Variants in PUS10 observed in about 807,000 individuals in gnomAD.
The protein encoded by PUS10 is pseudouridine synthase 10.
Under a neutral mutation model 75.0 loss-of-function variants are expected in PUS10, and 59 were observed. The ratio of observed to expected loss-of-function variants is 0.79; its 90% CI spans 0.64 to 0.98. The LOEUF (loss-of-function observed/expected upper bound fraction) is 0.98, where lower values mean the gene tolerates loss of function less well. Among genes scored for constraint, PUS10 ranks in the 50% least tolerant of loss-of-function variants. The probability of loss-of-function intolerance (pLI) is 0.00; values close to 1 mark genes in which losing one functional copy is unlikely to be tolerated. For synonymous variants in PUS10, 219 were observed against 211.6 expected (o/e 1.03, Z -0.30); for missense variants, 650 against 614.4 (o/e 1.06, Z -0.61).
At chr2:60,948,995 C>T (rs907941089) in intron 15 of PUS10, among the ~76,000 whole-genome samples, 2 of 152,070 alleles carry the variant, frequency 1.3e-5, no homozygotes, top group African/African-American at 4.8e-5. Flanking sequence ...TGCCGGAAGG[C>T]CTGCTAAGAA....
chr2:60,980,167 A>G (rs569522235), intron 4 of PUS10, among the ~76,000 whole-genome samples: 1 of 152,356 alleles, frequency 6.6e-6, no homozygotes, highest in South Asian at 2.1e-4. Context: ...TTAGTGTCAT[A>G]TGAAAATGAG....
intron 10 of PUS10, among the ~76,000 whole-genome samples, chr2:60,961,229 T>A (rs1028342494): frequency 6.6e-6 from 1 of 152,218 alleles, no homozygotes; most frequent in Admixed American, 6.5e-5. Flanking sequence ...TATTAAAACC[T>A]AGGAAGTGTC....
chr2:61,011,012 CAACT>C, intron 2 of PUS10: 1 of 1,263,386 alleles, frequency 7.9e-7, no homozygotes, highest in East Asian at 2.6e-5. Context: ...ATAATAGAAA[CAACT>C]AATAACATTT....
At chr2:61,015,399 T>C (rs34318179) in intron 1 of PUS10, among the ~76,000 whole-genome samples, 5 of 151,496 alleles carry the variant, frequency 3.3e-5, no homozygotes, top group East Asian at 1.9e-4. Context: ...ACTCGGGAGG[T>C]TGAGGCAGGA....
rs138626758 is a variant in PUS10 at position 61,009,166 on chromosome 2, T to G, written c.127-151A>C. 7.5e-4 allele frequency: 470 copies of G among 629,910 alleles called. 4 individuals carry two copies. The East Asian group carries it at 0.01, about 14-fold the overall frequency. The allele number at this position is 629,910 out of a possible 1,614,324, so 39.0% of individuals were successfully genotyped here. A position where few individuals can be genotyped will look rare whatever the true frequency, so the allele number is the denominator to read the frequency against. ...ATCAATTCTGAAGCAATCCAGTTAT[T>G]AGCCAGCATTGGCTTTTATGGAATT... On this transcript the variant is annotated intron_variant, in intron 2 of 17. Coordinates refer to ENST00000316752, the MANE Select transcript of PUS10 (RefSeq NM_144709.4).
At position 60,953,983 on chromosome 2, in the gene PUS10, A is replaced by T. The variant is rs373093640; in HGVS notation, c.1140T>A (p.Ile380=). The change falls in exon 14 of 18, where the codon ATT becomes ATA. Residue 380 remains isoleucine (I), a synonymous_variant. Coordinates refer to ENST00000316752, the MANE Select transcript of PUS10 (RefSeq NM_144709.4). ...SQEIKELQQK[I]NNSSNKIQVR... ...CTTGGATTTTGTTAGATGAGTTATT[A>T]ATTTTCTGTAGTAGCAGAAAAAGAA... 11 of 1,613,690 alleles carry T rather than the reference A, an allele frequency of 6.8e-6. No homozygotes were observed. The highest frequency in any genetic ancestry group is 9.3e-6 in the Non-Finnish European group (11 of 1,179,554).
chr2:60,971,473 G>C (rs1400190098), intron 5 of PUS10, 50 bp downstream of exon 5: 7 of 1,507,586 alleles, frequency 4.6e-6, no homozygotes, highest in Non-Finnish European at 5.5e-6. Flanking sequence ...TTAAGAACCA[G>C]GTAGCTTGTA....
intron 2 of PUS10, chr2:61,010,405 G>A (rs1233751397): frequency 1.7e-5 from 3 of 177,898 alleles, no homozygotes; most frequent in East Asian, 1.4e-4. Context: ...TGCAACCTCC[G>A]CACCCCCCAC....
At chr2:60,942,886 C>T (rs1274983331) in intron 17 of PUS10, among the ~76,000 whole-genome samples, 1 of 151,860 alleles carries the variant, frequency 6.6e-6, no homozygotes, top group African/African-American at 2.4e-5. Context: ...CAAAATTTAG[C>T]CAAGCATGGT....
rs1453601258 is a variant in PUS10 at position 61,017,867 on chromosome 2, T to G, written c.-16+141A>C. ...CCACTTTCCAGTGAGTGTGGGATTC[T>G]TCAGGCTGTGAGTTTAGTGGGCCCG... is the stretch of plus-strand genomic sequence containing the variant. On this transcript the variant is annotated intron_variant, in intron 1 of 17. Coordinates refer to ENST00000316752, the MANE Select transcript of PUS10 (RefSeq NM_144709.4). 2 of 1,549,632 alleles carry G rather than the reference T, an allele frequency of 1.3e-6. No homozygotes were observed. Among genetic ancestry groups the G allele is most frequent in the African/African-American group, 2.7e-5 (2 of 73,050 alleles).
rs755955312 is a variant in PUS10 at position 60,945,020 on chromosome 2, G to T, written c.1540C>A (p.Leu514Met). ...ACAAAATGGTTTACCTCAACATCCA[G>T]CTCCAGAATGTCTGCAGTCACATTC... ...LMNVTADILELDVESVDVDWP... is the reference protein window; with the variant it reads ...LMNVTADILEMDVESVDVDWP... The change falls in exon 17 of 18, where the codon CTG (leucine) becomes ATG (methionine). Residue 514 changes from leucine (L) to methionine (M), a missense_variant. Leu to Met is a conservative substitution (Grantham distance 15). Coordinates refer to ENST00000316752, the MANE Select transcript of PUS10 (RefSeq NM_144709.4). The T allele has an allele frequency of 3.1e-6, 5 of 1,612,542 alleles. No homozygotes were observed. The East Asian group carries it at 1.1e-4, about 36-fold the overall frequency.
intron 4 of PUS10, among the ~76,000 whole-genome samples, chr2:60,994,079 G>A (rs1233706797): frequency 6.6e-5 from 10 of 151,910 alleles, no homozygotes; most frequent in African/African-American, 1.2e-4. Flanking sequence ...GTGAGCCACC[G>A]CGCCCGGCCA....
In PUS10 at chr2:61,010,388, G is replaced by A. The variant is rs542356887; in HGVS notation, c.127-1373C>T. 6 of 172,750 alleles carry A rather than the reference G, an allele frequency of 3.5e-5. No homozygotes were observed. In the South Asian group the frequency reaches 4.1e-4, roughly 12 times the overall value. The allele number at this position is 172,750 out of a possible 1,614,324, so 10.7% of individuals were successfully genotyped here. ...GGCTAGAGTGCAGTGGCATGATCTC[G>A]GCTCACTGCAACCTCCGCACCCCCC... On this transcript the variant is annotated intron_variant, in intron 2 of 17. Coordinates refer to ENST00000316752, the MANE Select transcript of PUS10 (RefSeq NM_144709.4).
rs150723064 is a variant in PUS10, at chr2:60,979,751, T to C, written c.469-8194A>G. Among the ~76,000 whole-genome samples, 1,356 of 152,374 alleles carry C rather than the reference T, an allele frequency of 8.9e-3. 18 individuals are homozygous for C. The highest frequency in any genetic ancestry group is 0.031 in the African/African-American group (1,293 of 41,590). On this transcript the variant is annotated intron_variant, in intron 4 of 17. Transcript: ENST00000316752. The stretch of plus-strand genomic sequence containing the variant: ...AAGTGAGACATAAGAAGAGATCATT[T>C]AACTCTAGGTTTTCTCTCTACTTTG...
In PUS10 at chr2:60,962,889, G is replaced by T; in HGVS notation, c.725C>A (p.Ser242Tyr). 1.3e-6 allele frequency: 2 copies of T among 1,560,194 alleles called. No individual in the cohort carries two copies. The highest frequency in any genetic ancestry group is 1.2e-5 in the South Asian group (1 of 83,864). Residue 242 changes from serine to tyrosine, a missense_variant and splice_region_variant, in exon 9 of 18, where the codon TCT becomes TAT. By Grantham distance (144) the Ser-to-Tyr change is moderately radical (BLOSUM62 -2). Coordinates refer to ENST00000316752, the MANE Select transcript of PUS10 (RefSeq NM_144709.4). The part of the protein sequence containing the change: ...DCFKPAKNKQ[S>Y]VFTRMAVMKA... ...CATAACTGCCATTCTAGTGAATACA[G>T]ACTATATAGGGTAAAATGAGAAGAA...
intron 4 of PUS10, among the ~76,000 whole-genome samples, chr2:60,977,131 G>A (rs1379981232): frequency 2.0e-5 from 3 of 152,114 alleles, no homozygotes; most frequent in African/African-American, 7.2e-5. Flanking sequence ...TAGACCAGAA[G>A]GTCTATGCCC....
chr2:60,947,083 G>A (rs1674987534), intron 16 of PUS10, among the ~76,000 whole-genome samples: 1 of 152,106 alleles, frequency 6.6e-6, no homozygotes, highest in African/African-American at 2.4e-5. Context: ...GTTAGATTAC[G>A]AACAAATTAT....
At chr2:60,988,480 A>G (rs1573471559) in intron 4 of PUS10, among the ~76,000 whole-genome samples, 1 of 152,236 alleles carries the variant, frequency 6.6e-6, no homozygotes, top group South Asian at 2.1e-4. Flanking sequence ...AATATAGTAC[A>G]CTTTGGTCTT....
intron 15 of PUS10, among the ~76,000 whole-genome samples, chr2:60,950,468 AG>A (rs1675267623): frequency 6.6e-6 from 1 of 152,110 alleles, no homozygotes; most frequent in African/African-American, 2.4e-5. Context: ...CCCAGGCTGG[AG>A]TGCTGTGGCG....
Sources: gnomAD v4.1 joint callset for allele counts (sites outside exome capture counted in the v4.1 genomes callset) on GRCh38, gnomAD v4.1.1 for gene constraint, MANE v1.5 for transcripts, NCBI Gene and HGNC (gene_info 2026-07-23, HGNC 2026-07-21) for gene names.